The following ZNF589 variants were observed in gnomAD, a reference collection of about 807,000 sequenced individuals.
ZNF589 encodes zinc finger protein 589.
In ZNF589, 17 loss-of-function variants were observed where a neutral mutation model predicts 13.6. That is an observed-to-expected ratio of 1.25 (90% CI 0.86 to 1.88). The LOEUF (loss-of-function observed/expected upper bound fraction) is 1.88, where lower values mean the gene tolerates loss of function less well. Among genes scored for constraint, ZNF589 ranks in the 40% most tolerant of loss-of-function variants. The pLI, the probability that ZNF589 is intolerant of heterozygous loss-of-function variation, is 0.00. For synonymous variants in ZNF589, 148 were observed against 161.6 expected (o/e 0.92, Z 0.64); for missense variants, 407 against 434.0 (o/e 0.94, Z 0.55).
chr3:48,267,393 T>C (rs2034029073), intron 3 of ZNF589, among the ~76,000 whole-genome samples: 1 of 152,030 alleles, frequency 6.6e-6, no homozygotes, highest in Admixed American at 6.5e-5. Flanking sequence ...AACTAATAAA[T>C]AGAAGAATTT....
intron 1 of ZNF589, among the ~76,000 whole-genome samples, chr3:48,245,449 G>C (rs930494375): frequency 6.6e-6 from 1 of 152,030 alleles, no homozygotes; most frequent in East Asian, 1.9e-4. Context: ...ACATATGCCT[G>C]GAATAAAGGG....
intron 2 of ZNF589, among the ~76,000 whole-genome samples, chr3:48,252,739 C>T (rs74564838): frequency 0.059 from 8,777 of 149,662 alleles, 348 homozygotes; most frequent in East Asian, 0.12. Context: ...TCTCTTGCCT[C>T]AGCCTCCCAA....
chr3:48,254,245 ACT>A (rs2033872679), intron 2 of ZNF589, among the ~76,000 whole-genome samples: 3 of 151,694 alleles, frequency 2.0e-5, no homozygotes, highest in Middle Eastern at 3.4e-3. Context: ...AACGAGTGAA[ACT>A]CTGTCTCAAA....
rs534896334 is a variant in ZNF589 at position 48,267,650 on chromosome 3, C to T, written c.224-265C>T. Among the ~76,000 whole-genome samples, 7 of 152,334 alleles carry T rather than the reference C, an allele frequency of 4.6e-5. No homozygotes were observed. In the East Asian group the frequency reaches 1.2e-3, roughly 25 times the overall value. On this transcript the variant is annotated intron_variant, in intron 3 of 3. Coordinates refer to ENST00000354698, the MANE Select transcript of ZNF589 (RefSeq NM_016089.3). ...GACCTCGTGATCTGCCCGCCTCCGC[C>T]TCCCAAAGTGCTGGGATTACAGGCG...
At chr3:48,260,632 C>T (rs186450710) in intron 2 of ZNF589, among the ~76,000 whole-genome samples, 181 bp from the exon 3 acceptor site, 167 of 152,300 alleles carry the variant, frequency 1.1e-3, no homozygotes, top group Admixed American at 2.2e-3. Flanking sequence ...TGGTCTCGAA[C>T]TCCTGACCTC....
intron 2 of ZNF589, among the ~76,000 whole-genome samples, chr3:48,247,904 AAATAT>A (rs1293138160): frequency 1.3e-5 from 2 of 152,228 alleles, no homozygotes; most frequent in Non-Finnish European, 2.9e-5. Flanking sequence ...GAGTATTCTA[AAATAT>A]AATGGTAACT....
intron 1 of ZNF589, among the ~76,000 whole-genome samples, chr3:48,242,504 A>G (rs145592565): frequency 1.6e-3 from 245 of 151,866 alleles, no homozygotes; most frequent in African/African-American, 5.4e-3. Context: ...GGGTCTCCCT[A>G]TGTTGCCCAG....
intron 1 of ZNF589, among the ~76,000 whole-genome samples, chr3:48,246,078 C>T (rs1262829802): frequency 1.3e-5 from 2 of 151,938 alleles, no homozygotes; most frequent in Non-Finnish European, 2.9e-5. Context: ...TTTGAGAGGC[C>T]AATGTGGGCA....
chr3:48,255,173 T>G (rs1205112850), intron 2 of ZNF589, among the ~76,000 whole-genome samples: 1 of 151,900 alleles, frequency 6.6e-6, no homozygotes, highest in East Asian at 1.9e-4. Context: ...CTGAGAGCTA[T>G]TACTTCTTTT....
intron 1 of ZNF589, among the ~76,000 whole-genome samples, chr3:48,245,446 C>A (rs2033752040): frequency 6.6e-6 from 1 of 151,988 alleles, no homozygotes; most frequent in South Asian, 2.1e-4. Flanking sequence ...AACACATATG[C>A]CTGGAATAAA....
rs112427331 is a variant in ZNF589, at chr3:48,255,113, T to C, written c.97-5700T>C. On this transcript the variant is annotated intron_variant, in intron 2 of 3. Transcript: ENST00000354698. ...AAGTAGGATATTTGTTGTAGGTTTT[T>C]TGTAGATGTTCTTTGTCAATTGAGG... 2.1e-3 allele frequency among the ~76,000 whole-genome samples: 327 copies of C among 152,266 alleles called. 3 individuals carry two copies. Among genetic ancestry groups the C allele is most frequent in the African/African-American group, 7.1e-3 (293 of 41,554 alleles).
At chr3:48,252,617 C>CTTTTTTTTT (rs71625863) in intron 2 of ZNF589, among the ~76,000 whole-genome samples, 4 of 97,286 alleles carry the variant, frequency 4.1e-5, no homozygotes, top group African/African-American at 7.4e-5. Flanking sequence ...AGAATAATAT[C>CTTTTTTTTT]TTTTTTTTTT....
intron 1 of ZNF589, 109 bp downstream of exon 1, chr3:48,241,323 A>C: frequency 7.3e-7 from 1 of 1,378,608 alleles, no homozygotes; most frequent in Non-Finnish European, 9.9e-7. Context: ...GAGCTGTGTG[A>C]GGCGCTGACT....
In ZNF589 at chr3:48,266,174, G is replaced by A. The variant is rs151314203; in HGVS notation, c.224-1741G>A. Among the ~76,000 whole-genome samples, 44 of 152,306 alleles carry A rather than the reference G, an allele frequency of 2.9e-4. No individual in the cohort carries two copies. In the East Asian group the frequency reaches 5.0e-3, roughly 17 times the overall value. ...TCCTTGCTACTTTGACTAGGCCTTT[G>A]AAGAAAAGAAGCCAGTGAGAATTAA... is the stretch of plus-strand genomic sequence containing the variant. On this transcript the variant is annotated intron_variant, in intron 3 of 3. Transcript: ENST00000354698.
At chr3:48,249,818 T>TTC in intron 2 of ZNF589, among the ~76,000 whole-genome samples, 1 of 152,308 alleles carries the variant, frequency 6.6e-6, no homozygotes, top group African/African-American at 2.4e-5. Context: ...AAAGCCTCTT[T>TTC]TCTAGCTATT....
intron 1 of ZNF589, 151 bp downstream of exon 1, chr3:48,241,365 G>T: frequency 1.0e-6 from 1 of 956,354 alleles, no homozygotes; most frequent in Non-Finnish European, 1.5e-6. Flanking sequence ...CCCCTGGGGG[G>T]CCAGGTTCCT....
At chr3:48,255,406 C>A (rs1316640572) in intron 2 of ZNF589, among the ~76,000 whole-genome samples, 2 of 151,208 alleles carry the variant, frequency 1.3e-5, no homozygotes. Context: ...AAGCTCCTGA[C>A]CTCAAGTGAT....
chr3:48,245,188 C>G (rs1039472598), intron 1 of ZNF589, among the ~76,000 whole-genome samples: 1 of 152,144 alleles, frequency 6.6e-6, no homozygotes, highest in Non-Finnish European at 1.5e-5. Context: ...TCTCTCACTT[C>G]ATTGCAACCT....
rs2034070588 is a variant in ZNF589 at position 48,269,865 on chromosome 3, A to T, written c.*1079A>T. On this transcript the variant is annotated 3_prime_UTR_variant, in exon 4 of 4. Transcript: ENST00000354698. ...ACTCGGGAGAAACCTTCATGGAGTGAGAGTAAGGTGTTGGCTGGAAGTGGC... is the reference window on the plus strand; with the variant it reads ...ACTCGGGAGAAACCTTCATGGAGTGTGAGTAAGGTGTTGGCTGGAAGTGGC... 2.7e-6 allele frequency: 1 copy of T among 366,048 alleles called. No individual in the cohort carries two copies. Among genetic ancestry groups the T allele is most frequent in the Admixed American group, 3.7e-5 (1 of 27,372 alleles). 22.7% of individuals were successfully genotyped at this position (366,048 alleles called of 1,614,324 possible). A position where few individuals can be genotyped will look rare whatever the true frequency, so the allele number is the denominator to read the frequency against.
Sources: allele counts gnomAD v4.1 joint callset (sites outside exome capture counted in the v4.1 genomes callset), GRCh38; gene constraint gnomAD v4.1.1; transcripts MANE v1.5; gene names NCBI Gene and HGNC (gene_info 2026-07-23, HGNC 2026-07-21).